Variants in POLD3 observed in about 807,000 individuals in gnomAD.
POLD3 encodes the protein DNA polymerase delta subunit 3.
Under a neutral mutation model 58.2 loss-of-function variants are expected in POLD3, and 19 were observed. The ratio of observed to expected loss-of-function variants is 0.33; its 90% CI spans 0.23 to 0.48. The LOEUF is 0.48. Among genes scored for constraint, POLD3 ranks in the 20% least tolerant of loss-of-function variants. POLD3 has a pLI of 0.99. For synonymous variants in POLD3, 172 were observed against 193.5 expected, an observed-to-expected ratio of 0.89 and a Z score of 0.92; for missense variants, 504 against 545.5, an observed-to-expected ratio of 0.92 and a Z score of 0.76.
In POLD3 at chr11:74,606,835, C is replaced by G. The variant is rs201206799; in HGVS notation, c.219+2041C>G. 3.1e-4 allele frequency among the ~76,000 whole-genome samples: 47 copies of G among 152,338 alleles called. No homozygotes were observed. The East Asian group carries it at 9.0e-3, about 29-fold the overall frequency. On this transcript the variant is annotated intron_variant, in intron 3 of 11. Transcript: ENST00000263681. ...CATGGCTTGCTTATAAAAAGGTCTT[C>G]TGTTTCTAAGTATAAGATGGCATTT...
chr11:74,640,342 G>A (rs752669123), intron 11 of POLD3, among the ~76,000 whole-genome samples: 3 of 152,180 alleles, frequency 2.0e-5, no homozygotes, highest in African/African-American at 4.8e-5. Context: ...AAAAGTGAAC[G>A]TTAATTCTAA....
At position 74,625,506 on chromosome 11, in the gene POLD3, C is replaced by T. The variant is rs762988586; in HGVS notation, c.832C>T (p.Pro278Ser). The change falls in exon 8 of 12, where the codon CCT becomes TCT. Residue 278 changes from proline (P) to serine (S), a missense_variant. This residue lies in a region of POLD3 where 385 missense variants were observed against 370.5 expected (regional missense o/e 1.04). Transcript: ENST00000263681. ...TGTCACGGAACCAAAGCTGGCAACT[C>T]CTGCAGGCCTGAAAAAATCCAGCAA... ...VSVTEPKLAT[P>S]AGLKKSSKKA... The T allele has an allele frequency of 1.2e-5, 19 of 1,613,762 alleles. 1 individual carries two copies. The South Asian group carries it at 1.3e-4, about 11-fold the overall frequency.
At chr11:74,623,399 C>T (rs764709910) in intron 7 of POLD3, among the ~76,000 whole-genome samples, 5 of 152,142 alleles carry the variant, frequency 3.3e-5, no homozygotes, top group Non-Finnish European at 7.4e-5. Context: ...CACGCCACCG[C>T]GCTCCAGCCT....
chr11:74,653,729 T>A (rs988801131), intron 4 of POLD3, among the ~76,000 whole-genome samples: 1 of 152,180 alleles, frequency 6.6e-6, no homozygotes, highest in Non-Finnish European at 1.5e-5. Context: ...ACACTTCAAT[T>A]AAAAGGCAGA....
At chr11:74,607,248 T>TATATATATATATA (rs1565114139) in intron 3 of POLD3, among the ~76,000 whole-genome samples, 5 of 95,976 alleles carry the variant, frequency 5.2e-5, no homozygotes, top group African/African-American at 9.5e-5. Context: ...TATTATATAT[T>TATATATATATATA]TATTTATTTA....
chr11:74,660,431 A>G (rs773338329), intron 4 of POLD3, among the ~76,000 whole-genome samples: 8 of 152,168 alleles, frequency 5.3e-5, no homozygotes, highest in Admixed American at 2.0e-4. Flanking sequence ...TTTAAGGTCA[A>G]TAACTCTTAG....
chr11:74,656,775 T>G (rs2135197353), intron 4 of POLD3, among the ~76,000 whole-genome samples: 1 of 152,076 alleles, frequency 6.6e-6, no homozygotes, highest in African/African-American at 2.4e-5. Context: ...TTATAAGATT[T>G]GTTTTGTGAC....
intron 4 of POLD3, among the ~76,000 whole-genome samples, chr11:74,663,334 A>G (rs993546288): frequency 2.0e-5 from 3 of 152,272 alleles, no homozygotes; most frequent in African/African-American, 7.2e-5. Flanking sequence ...AAGCAATGCC[A>G]ATCAAATTTC....
chr11:74,622,903 T>A (rs931395992), intron 7 of POLD3, among the ~76,000 whole-genome samples: 1 of 152,212 alleles, frequency 6.6e-6, no homozygotes, highest in African/African-American at 2.4e-5. Flanking sequence ...ATAGCAGCAT[T>A]CTTCATAATA....
At chr11:74,606,050 A>C (rs578227708) in intron 3 of POLD3, among the ~76,000 whole-genome samples, 3 of 152,158 alleles carry the variant, frequency 2.0e-5, no homozygotes, top group Non-Finnish European at 2.9e-5. Context: ...GCGCCACTGC[A>C]CTCCAGCTTG....
intron 4 of POLD3, among the ~76,000 whole-genome samples, chr11:74,667,156 A>T (rs2033280011): frequency 6.6e-6 from 1 of 152,198 alleles, no homozygotes; most frequent in Admixed American, 6.5e-5. Flanking sequence ...TCCAGTAGGC[A>T]TAGAGTTTCA....
chr11:74,610,214 T>TC (rs912617362), intron 3 of POLD3, among the ~76,000 whole-genome samples: 2 of 151,968 alleles, frequency 1.3e-5, no homozygotes, highest in African/African-American at 2.4e-5. Flanking sequence ...GCCCTTTTTT[T>TC]TTTTTTTCCT....
chr11:74,645,940 GTT>G (rs779871745), downstream of POLD3, among the ~76,000 whole-genome samples: 10 of 142,042 alleles, frequency 7.0e-5, no homozygotes, highest in Non-Finnish European at 9.3e-5. Context: ...GATGATTGAT[GTT>G]TTTTTTTTTT....
intron 4 of POLD3, among the ~76,000 whole-genome samples, chr11:74,664,160 A>G (rs1224512116): frequency 6.6e-6 from 1 of 152,240 alleles, no homozygotes. Flanking sequence ...TGTAGAATGT[A>G]AGCAAAAGTC....
At chr11:74,669,032 C>G (rs1378454527) in exon 5 of POLD3, 4 of 336,696 alleles carry the variant, frequency 1.2e-5, no homozygotes, top group Non-Finnish European at 1.7e-5. Flanking sequence ...CCTGGGTATT[C>G]AAATGATAAG....
At chr11:74,611,389 G>A in intron 3 of POLD3, 110 bp from the exon 4 acceptor site, 3 of 686,740 alleles carry the variant, frequency 4.4e-6, no homozygotes, top group Non-Finnish European at 7.9e-6. Flanking sequence ...TTTAAGGAGT[G>A]CCTGGTGTTT....
At chr11:74,609,888 C>T (rs2031848971) in intron 3 of POLD3, among the ~76,000 whole-genome samples, 1 of 152,132 alleles carries the variant, frequency 6.6e-6, no homozygotes, top group Admixed American at 6.6e-5. Context: ...TTAGCTTATT[C>T]AGCAATCCCT....
chr11:74,650,196 T>C (rs765499908), intron 4 of POLD3, among the ~76,000 whole-genome samples: 7 of 152,252 alleles, frequency 4.6e-5, no homozygotes, highest in South Asian at 4.1e-4. Context: ...TGTCGTACTT[T>C]GCTAATTTTT....
At chr11:74,594,715 G>A (rs1226470086) in intron 2 of POLD3, among the ~76,000 whole-genome samples, 2 of 152,180 alleles carry the variant, frequency 1.3e-5, no homozygotes, top group Admixed American at 1.3e-4. Context: ...TTATAAAGAC[G>A]AGGTTTAATT....
Sources: allele counts gnomAD v4.1 joint callset (sites outside exome capture counted in the v4.1 genomes callset), GRCh38; gene constraint gnomAD v4.1.1; regional missense constraint gnomAD v4.1.1; transcripts MANE v1.5; gene names NCBI Gene and HGNC (gene_info 2026-07-23, HGNC 2026-07-21).